CIMIP2B: variants seen among roughly 807,000 people sequenced by gnomAD.
The protein encoded by CIMIP2B is ciliary microtubule inner protein 2B, also known as family with sequence similarity 166 member B.
the CIMIP2B span, chr9:35,562,904 C>T: frequency 6.2e-7 from 1 of 1,613,998 alleles, no homozygotes; most frequent in Non-Finnish European, 8.5e-7. Context: ...GTCGGCTCCT[C>T]CAGCTGCCCC....
At chr9:35,563,491 T>C in the CIMIP2B span, 2 of 916,120 alleles carry the variant, frequency 2.2e-6, no homozygotes, top group Non-Finnish European at 1.7e-6. Context: ...GACTCAGCAG[T>C]GTATATATTT....
At chr9:35,563,001 G>A in the CIMIP2B span, 1 of 1,613,994 alleles carries the variant, frequency 6.2e-7, no homozygotes, top group Non-Finnish European at 8.5e-7. Flanking sequence ...TTTCATGCAA[G>A]TGAGTAAAGT....
At chr9:35,563,297 G>T in the CIMIP2B span, 1 of 1,613,990 alleles carries the variant, frequency 6.2e-7, no homozygotes, top group Non-Finnish European at 8.5e-7. Context: ...AGGGGGCCAG[G>T]CTAGGCCAGG....
the CIMIP2B span, chr9:35,563,758 G>A: frequency 4.5e-4 from 718 of 1,613,070 alleles, 1 homozygote; most frequent in Admixed American, 9.0e-4. Flanking sequence ...CGCTAAGTGG[G>A]AGTCTTACCC....
At chr9:35,563,391 T>C in the CIMIP2B span, 1 of 1,603,590 alleles carries the variant, frequency 6.2e-7, no homozygotes, top group Non-Finnish European at 8.5e-7. Context: ...CCAGTGTACC[T>C]GCAGCACAGA....
chr9:35,562,350 C>T, the CIMIP2B span: 1 of 1,431,870 alleles, frequency 7.0e-7, no homozygotes, highest in Non-Finnish European at 9.3e-7. Context: ...ACATTCCAGT[C>T]CCCAAAGCCT....
the CIMIP2B span, chr9:35,562,281 ATATC>A: frequency 8.9e-7 from 1 of 1,119,818 alleles, no homozygotes; most frequent in South Asian, 1.7e-5. Flanking sequence ...GAGCCCTCCC[ATATC>A]TATTAGTTTC....
At chr9:35,563,245 A>T in the CIMIP2B span, 1 of 1,613,974 alleles carries the variant, frequency 6.2e-7, no homozygotes, top group African/African-American at 1.3e-5. Flanking sequence ...GAACCTCAGG[A>T]GATCTTGGAG....
the CIMIP2B span, chr9:35,562,071 G>C: frequency 1.8e-5 from 27 of 1,535,380 alleles, no homozygotes; most frequent in Non-Finnish European, 2.3e-5. Flanking sequence ...ATGGCCAAAT[G>C]TGTGGCCAAA....
the CIMIP2B span, chr9:35,562,090 T>G: frequency 6.5e-7 from 1 of 1,532,466 alleles, no homozygotes; most frequent in Non-Finnish European, 8.7e-7. Flanking sequence ...AACTGGAACT[T>G]ATACCCTGTG....
the CIMIP2B span, chr9:35,561,919 A>ACCTTTCCCCCCCCC: frequency 9.2e-5 from 10 of 109,270 alleles, no homozygotes; most frequent in Non-Finnish European, 1.3e-4. Context: ...GTGTTCCCCC[A>ACCTTTCCCCCCCCC]CCCTCCCACC....
At chr9:35,563,047 T>C in the CIMIP2B span, 1 of 1,613,870 alleles carries the variant, frequency 6.2e-7, no homozygotes, top group African/African-American at 1.3e-5. Context: ...GCTGCAGTTC[T>C]TGGCAAAGAT....
the CIMIP2B span, chr9:35,562,026 T>TGGAA: frequency 1.3e-6 from 2 of 1,508,240 alleles, no homozygotes; most frequent in African/African-American, 2.8e-5. Context: ...GAGCTGCTTC[T>TGGAA]GGAAGGTGCT....
the CIMIP2B span, chr9:35,561,931 TCCCACC>T: frequency 5.1e-6 from 1 of 195,278 alleles, no homozygotes. Flanking sequence ...CCTCCCACCC[TCCCACC>T]CACCTCTCTC....
the CIMIP2B span, chr9:35,563,290 G>A: frequency 7.4e-6 from 12 of 1,613,972 alleles, no homozygotes; most frequent in African/African-American, 1.3e-5. Flanking sequence ...GGTGGACAGG[G>A]GGCCAGGCTA....
the CIMIP2B span, chr9:35,562,049 A>T: frequency 6.5e-7 from 1 of 1,535,864 alleles, no homozygotes; most frequent in East Asian, 2.4e-5. Context: ...GGCCCAGAGC[A>T]TCATGGGTGA....
the CIMIP2B span, chr9:35,562,028 G>A: frequency 2.0e-6 from 3 of 1,531,914 alleles, no homozygotes; most frequent in Non-Finnish European, 2.6e-6. Context: ...GCTGCTTCTG[G>A]AAGGTGCTGA....
the CIMIP2B span, chr9:35,562,365 G>A: frequency 5.0e-5 from 71 of 1,419,060 alleles, no homozygotes; most frequent in East Asian, 7.7e-5. Context: ...AAGCCTCCCC[G>A]GGGGCTCTTC....
the CIMIP2B span, chr9:35,563,238 C>A: frequency 5.6e-6 from 9 of 1,613,872 alleles, no homozygotes; most frequent in Non-Finnish European, 7.6e-6. Context: ...TCCCTGGGAA[C>A]CTCAGGAGAT....
Sources: gnomAD v4.1 joint callset for allele counts on GRCh38, gnomAD v4.1.1 for gene constraint, MANE v1.5 for transcripts, NCBI Gene and HGNC (gene_info 2026-07-23, HGNC 2026-07-21) for gene names.